The following ASAP2 variants were observed in gnomAD, a reference collection of about 807,000 sequenced individuals.
The protein encoded by ASAP2 is arf-GAP with SH3 domain, ANK repeat and PH domain-containing protein 2.
ASAP2 carries 45 observed loss-of-function variants against 131.4 expected under a neutral mutation model. That is an observed-to-expected ratio of 0.34 (90% CI 0.27 to 0.44). The LOEUF (loss-of-function observed/expected upper bound fraction) is 0.44, where lower values mean the gene tolerates loss of function less well. Ranked by LOEUF, ASAP2 falls within the 20% of genes least tolerant of loss-of-function variation. The pLI is 1.00. For missense variants in ASAP2, 1,011 were observed against 1,297.0 expected, an observed-to-expected ratio of 0.78 and a Z score of 3.39; for synonymous variants, 510 against 503.0, an observed-to-expected ratio of 1.01 and a Z score of -0.19.
At chr2:9,371,325 A>C (rs1024926949) in intron 16 of ASAP2, among the ~76,000 whole-genome samples, 1 of 152,162 alleles carries the variant, frequency 6.6e-6, no homozygotes, top group Non-Finnish European at 1.5e-5. Context: ...ATCCCACTTC[A>C]TAGTATACTC....
chr2:9,403,436 C>A lies in ASAP2; in HGVS notation c.*109C>A. 1.0e-6 allele frequency: 1 copy of A among 967,182 alleles called. No individual in the cohort carries two copies. The highest frequency in any genetic ancestry group is 1.6e-6 in the Non-Finnish European group (1 of 637,680). The allele number at this position is 967,182 out of a possible 1,614,324, so 59.9% of individuals were successfully genotyped here. A position where few individuals can be genotyped will look rare whatever the true frequency, so the allele number is the denominator to read the frequency against. ...AACTGTTTGTATGGCAGCCCATGTTCTCTAATGCCACTGCTCTGTTTTAAA... is the reference window on the plus strand; with the variant it reads ...AACTGTTTGTATGGCAGCCCATGTTATCTAATGCCACTGCTCTGTTTTAAA... On this transcript the variant is annotated 3_prime_UTR_variant, in exon 28 of 28. Transcript: ENST00000281419.
chr2:9,393,503 C>G lies in ASAP2; in HGVS notation c.2540C>G (p.Pro847Arg). 6.2e-7 allele frequency: 1 copy of G among 1,607,270 alleles called. No homozygotes were observed. Among genetic ancestry groups the G allele is most frequent in the Non-Finnish European group, 8.5e-7 (1 of 1,177,356 alleles). The change falls in exon 24 of 28, where the codon CCC becomes CGC. Residue 847 changes from proline (P) to arginine (R), a missense_variant. By Grantham distance (103) the Pro-to-Arg change is moderately radical. Transcript: ENST00000281419. The stretch of plus-strand genomic sequence containing the variant: ...GCAGATCCCCTGACCCCCACGCCGC[C>G]CCCACCCGTTGCCAAGACGCCCAGC... Reference protein sequence around the residue: ...TSTNPLTPTPPPPVAKTPSVM... With the variant: ...TSTNPLTPTPRPPVAKTPSVM...
At chr2:9,352,376 C>T (rs1672412382) in intron 12 of ASAP2, among the ~76,000 whole-genome samples, 1 of 148,570 alleles carries the variant, frequency 6.7e-6, no homozygotes, top group African/African-American at 2.6e-5. Flanking sequence ...GGTTTTAGGC[C>T]TTTCTGTTTT....
chr2:9,367,559 G>A (rs916946914), intron 15 of ASAP2, among the ~76,000 whole-genome samples: 3 of 151,810 alleles, frequency 2.0e-5, no homozygotes, highest in East Asian at 3.9e-4. Flanking sequence ...CCAGGAGTTC[G>A]AGACCAGCCT....
chr2:9,329,603 G>A (rs972269527), intron 7 of ASAP2, among the ~76,000 whole-genome samples: 1 of 152,176 alleles, frequency 6.6e-6, no homozygotes, highest in Admixed American at 6.5e-5. Context: ...ACAGGACAAG[G>A]GTGGATGTGG....
chr2:9,358,713 C>G (rs1672877138), intron 14 of ASAP2, 43 bp from the exon 15 acceptor site: 14 of 1,594,880 alleles, frequency 8.8e-6, no homozygotes, highest in Non-Finnish European at 1.2e-5. Flanking sequence ...TCCTGACCCT[C>G]TTTTTTACTG....
chr2:9,335,035 C>A, intron 8 of ASAP2, 58 bp from the exon 9 acceptor site: 1 of 1,554,982 alleles, frequency 6.4e-7, no homozygotes, highest in Non-Finnish European at 8.9e-7. Flanking sequence ...ACCAACGTTT[C>A]ACTGTACCTC....
chr2:9,356,127 G>T (rs1467721136), intron 13 of ASAP2, 32 bp downstream of exon 13: 1 of 1,614,190 alleles, frequency 6.2e-7, no homozygotes, highest in South Asian at 1.1e-5. Flanking sequence ...CTTTGGGCTG[G>T]ACTCAGCCGT....
At chr2:9,267,897 C>CA (rs34716225) in intron 1 of ASAP2, among the ~76,000 whole-genome samples, 2,641 of 64,852 alleles carry the variant, frequency 0.041, 236 homozygotes, top group African/African-American at 0.14. Context: ...GACTCTATCT[C>CA]AAAAAAAAAA....
chr2:9,323,137 G>C lies in ASAP2; in HGVS notation c.487G>C (p.Glu163Gln). 6.2e-7 allele frequency: 1 copy of C among 1,614,186 alleles called. No homozygotes were observed. Among genetic ancestry groups the C allele is most frequent in the South Asian group, 1.1e-5 (1 of 91,078 alleles). Reference protein sequence around the residue: ...YETKITKIEKEKKEHAKLHGM... With the variant: ...YETKITKIEKQKKEHAKLHGM... Reference sequence around the variant, plus strand: ...CACACGTAGAACCAAGATAGAAAAGGAGAAAAAGGAACACGCCAAGCTCCA... The same window carrying C: ...CACACGTAGAACCAAGATAGAAAAGCAGAAAAAGGAACACGCCAAGCTCCA... The change falls in exon 6 of 28, where the codon GAG becomes CAG. Residue 163 changes from glutamate to glutamine, a missense_variant. Around this residue, in one of 2 missense-constraint regions of ASAP2, gnomAD observed 359 missense variants for 598.1 expected, o/e 0.60. Coordinates refer to ENST00000281419, the MANE Select transcript of ASAP2 (RefSeq NM_003887.3).
intron 20 of ASAP2, among the ~76,000 whole-genome samples, chr2:9,382,094 C>T (rs1216477119): frequency 1.4e-5 from 2 of 147,814 alleles, no homozygotes; most frequent in Non-Finnish European, 3.0e-5. Flanking sequence ...AGCAATTCTT[C>T]TGCCTCAGCC....
At chr2:9,255,801 C>T (rs1665113858) in intron 1 of ASAP2, among the ~76,000 whole-genome samples, 1 of 152,160 alleles carries the variant, frequency 6.6e-6, no homozygotes, top group African/African-American at 2.4e-5. Flanking sequence ...GATTTATACT[C>T]TGATGTTTGC....
intron 15 of ASAP2, among the ~76,000 whole-genome samples, chr2:9,365,980 C>G (rs1673446202): frequency 6.6e-6 from 1 of 152,142 alleles, no homozygotes; most frequent in South Asian, 2.1e-4. Context: ...TCAGTGCAGC[C>G]CACAAATTCC....
intron 1 of ASAP2, among the ~76,000 whole-genome samples, chr2:9,220,677 C>G (rs1205916782): frequency 6.6e-6 from 1 of 152,150 alleles, no homozygotes; most frequent in African/African-American, 2.4e-5. Context: ...TGATGGTGTC[C>G]TTCAAAGGAC....
intron 1 of ASAP2, among the ~76,000 whole-genome samples, chr2:9,227,558 C>T (rs1270520302): frequency 6.6e-6 from 1 of 152,136 alleles, no homozygotes; most frequent in African/African-American, 2.4e-5. Context: ...GCACATTTTA[C>T]AGCTGAGAAA....
In ASAP2 at chr2:9,393,490, A is replaced by G; in HGVS notation, c.2527A>G (p.Thr843Ala). The G allele has an allele frequency of 4.4e-6, 7 of 1,588,182 alleles. No individual in the cohort carries two copies. The highest frequency in any genetic ancestry group is 1.1e-5 in the South Asian group (1 of 89,124). ...CTCCCTGTCCTCCGCAGATCCCCTG[A>G]CCCCCACGCCGCCCCCACCCGTTGC... The part of the protein sequence containing the change: ...PLRVTSTNPL[T>A]PTPPPPVAKT... The change falls in exon 24 of 28, where the codon ACC becomes GCC. Residue 843 changes from threonine (T) to alanine (A), a missense_variant. Around this residue, in one of 2 missense-constraint regions of ASAP2, gnomAD observed 652 missense variants for 698.9 expected, o/e 0.93. Transcript: ENST00000281419.
chr2:9,214,519 C>T (rs529615127), intron 1 of ASAP2, among the ~76,000 whole-genome samples: 20 of 151,922 alleles, frequency 1.3e-4, no homozygotes, highest in Admixed American at 9.2e-4. Flanking sequence ...GGATTATAGG[C>T]GTGAGCCGCT....
intron 1 of ASAP2, among the ~76,000 whole-genome samples, chr2:9,249,647 G>A (rs1407867835): frequency 2.0e-5 from 3 of 152,232 alleles, no homozygotes; most frequent in South Asian, 2.1e-4. Flanking sequence ...CCACACTGTC[G>A]TGTGGACAGA....
chr2:9,341,969 T>C (rs915747722), intron 9 of ASAP2, among the ~76,000 whole-genome samples: 1 of 152,222 alleles, frequency 6.6e-6, no homozygotes. Flanking sequence ...TGCCTCCGCA[T>C]GTTACTGATT....
Sources: gnomAD v4.1 joint callset for allele counts (sites outside exome capture counted in the v4.1 genomes callset) on GRCh38, gnomAD v4.1.1 for gene constraint, gnomAD v4.1.1 regional missense constraint, MANE v1.5 for transcripts, NCBI Gene and HGNC (gene_info 2026-07-23, HGNC 2026-07-21) for gene names.